Variants in SUPT3H observed in about 807,000 individuals in gnomAD.
The protein encoded by SUPT3H is transcription initiation protein SPT3 homolog.
SUPT3H carries 44 observed loss-of-function variants against 44.3 expected under a neutral mutation model. The observed-to-expected ratio is 0.99, with a 90% CI of 0.78 to 1.28. The LOEUF is 1.28. SUPT3H is among the 50% of genes most tolerant of loss of function. The pLI is 0.00. For missense variants in SUPT3H, 380 were observed against 387.1 expected, an observed-to-expected ratio of 0.98 and a Z score of 0.15; for synonymous variants, 124 against 125.6, an observed-to-expected ratio of 0.99 and a Z score of 0.09.
intron 2 of SUPT3H, among the ~76,000 whole-genome samples, chr6:45,267,626 T>A: frequency 6.6e-6 from 1 of 152,324 alleles, no homozygotes; most frequent in South Asian, 2.1e-4. Context: ...CACACTACGA[T>A]AGATTACAAT....
rs62436412 is a variant in SUPT3H at position 44,981,750 on chromosome 6, C to T, written c.505-19922G>A. Among the ~76,000 whole-genome samples the T allele has an allele frequency of 8.7e-3, 1,316 of 151,698 alleles. 9 individuals carry two copies. The highest frequency in any genetic ancestry group is 8.7e-3 in the Non-Finnish European group (591 of 67,956). ...ATAGCTCTGAGATTCTGTGGTTCTACGTGTATTCTCTTATCTCAGGGAACT... is the reference window on the plus strand; with the variant it reads ...ATAGCTCTGAGATTCTGTGGTTCTATGTGTATTCTCTTATCTCAGGGAACT... On this transcript the variant is annotated intron_variant, in intron 6 of 10. Coordinates refer to ENST00000371459, the MANE Select transcript of SUPT3H (RefSeq NM_003599.4).
intron 2 of SUPT3H, chr6:45,328,587 A>G: frequency 6.3e-7 from 1 of 1,583,578 alleles, no homozygotes; most frequent in South Asian, 1.2e-5. Flanking sequence ...ACAGAAAAAA[A>G]TAAATATAAA....
chr6:44,854,994 C>T (rs1335751403), intron 10 of SUPT3H, among the ~76,000 whole-genome samples: 1 of 152,138 alleles, frequency 6.6e-6, no homozygotes, highest in Non-Finnish European at 1.5e-5. Context: ...TTGATGTTTT[C>T]ACCTTAGAAT....
At chr6:44,945,927 A>G (rs1773268433) in intron 9 of SUPT3H, among the ~76,000 whole-genome samples, 1 of 152,184 alleles carries the variant, frequency 6.6e-6, no homozygotes, top group Non-Finnish European at 1.5e-5. Context: ...AGGAGAAATC[A>G]ATGCCTGGCT....
At chr6:45,099,981 T>A (rs1372211355) in intron 3 of SUPT3H, among the ~76,000 whole-genome samples, 2 of 152,010 alleles carry the variant, frequency 1.3e-5, no homozygotes, top group Admixed American at 1.3e-4. Context: ...ACAAGAATAT[T>A]CCCGAGAATG....
intron 6 of SUPT3H, among the ~76,000 whole-genome samples, chr6:44,972,010 G>A (rs1434365629): frequency 3.3e-5 from 5 of 151,644 alleles, no homozygotes; most frequent in East Asian, 2.0e-4. Flanking sequence ...TCCTGACCTT[G>A]TGATCTGTCC....
intron 6 of SUPT3H, among the ~76,000 whole-genome samples, chr6:44,970,817 C>T (rs1232099314): frequency 2.0e-5 from 3 of 152,152 alleles, no homozygotes; most frequent in East Asian, 3.8e-4. Flanking sequence ...GCCATTAATT[C>T]ATAAAATTTA....
intron 1 of SUPT3H, among the ~76,000 whole-genome samples, chr6:45,369,353 C>T (rs1313208096): frequency 6.6e-6 from 1 of 152,110 alleles, no homozygotes; most frequent in Non-Finnish European, 1.5e-5. Flanking sequence ...AAGAAACCTT[C>T]CCAGATATGT....
At chr6:44,938,346 T>C (rs894087440) in intron 9 of SUPT3H, among the ~76,000 whole-genome samples, 2 of 152,166 alleles carry the variant, frequency 1.3e-5, no homozygotes, top group African/African-American at 4.8e-5. Context: ...TTCCCCAGTG[T>C]ATGCTCTTGT....
chr6:45,265,721 A>C (rs1295300631), intron 2 of SUPT3H, among the ~76,000 whole-genome samples: 1 of 152,102 alleles, frequency 6.6e-6, no homozygotes, highest in Non-Finnish European at 1.5e-5. Flanking sequence ...AAAAAATATC[A>C]CGTAAAATTA....
intron 1 of SUPT3H, among the ~76,000 whole-genome samples, chr6:45,366,082 C>T (rs968375052): frequency 3.9e-5 from 6 of 152,238 alleles, no homozygotes; most frequent in African/African-American, 1.4e-4. Flanking sequence ...AAACCCTCAT[C>T]TATTACACTA....
At chr6:45,324,978 T>C (rs560607199) in intron 2 of SUPT3H, among the ~76,000 whole-genome samples, 85 of 151,650 alleles carry the variant, frequency 5.6e-4, no homozygotes, top group Non-Finnish European at 9.0e-4. Flanking sequence ...CTAACAGAAG[T>C]AGTCAATATA....
intron 2 of SUPT3H, among the ~76,000 whole-genome samples, chr6:45,143,286 A>G (rs1805538380): frequency 6.6e-6 from 1 of 152,160 alleles, no homozygotes; most frequent in Non-Finnish European, 1.5e-5. Flanking sequence ...GTTCTGCAAG[A>G]GAGACCATAT....
chr6:44,824,301 T>C (rs1243361359), downstream of SUPT3H, among the ~76,000 whole-genome samples: 2 of 152,186 alleles, frequency 1.3e-5, no homozygotes, highest in Admixed American at 6.5e-5. Context: ...GGGTGACAAG[T>C]GGCCAATGCA....
intron 3 of SUPT3H, among the ~76,000 whole-genome samples, chr6:45,023,806 G>A (rs962512929): frequency 2.0e-5 from 3 of 152,090 alleles, no homozygotes; most frequent in African/African-American, 7.2e-5. Flanking sequence ...CTTGGGTAGT[G>A]GGCTTAATTC....
rs1768096283 is a variant in SUPT3H at position 44,828,796 on chromosome 6, A to G, written c.*1020T>C. On this transcript the variant is annotated 3_prime_UTR_variant, in exon 11 of 11. Coordinates refer to ENST00000371459, the MANE Select transcript of SUPT3H (RefSeq NM_003599.4). ...AAGAGTGTTTCAAGTATGTGTAAAAACCATAAAAGTAAAATTATACAAAAC... is the reference window on the plus strand; with the variant it reads ...AAGAGTGTTTCAAGTATGTGTAAAAGCCATAAAAGTAAAATTATACAAAAC... 3 of 152,462 alleles carry G rather than the reference A, an allele frequency of 2.0e-5. No homozygotes were observed. Among genetic ancestry groups the G allele is most frequent in the Non-Finnish European group, 2.9e-5 (2 of 67,968 alleles). The allele number at this position is 152,462 out of a possible 1,614,324, so 9.4% of individuals were successfully genotyped here.
chr6:45,149,306 G>A (rs1259798545), intron 2 of SUPT3H, among the ~76,000 whole-genome samples: 2 of 152,056 alleles, frequency 1.3e-5, no homozygotes, highest in African/African-American at 4.8e-5. Context: ...ACCTACTACA[G>A]TTGAAAGGAA....
intron 3 of SUPT3H, among the ~76,000 whole-genome samples, chr6:45,069,187 G>C (rs1041604042): frequency 2.6e-5 from 4 of 152,066 alleles, no homozygotes; most frequent in Admixed American, 2.6e-4. Context: ...TATAAAGGTA[G>C]TAAAAGAAGA....
intron 1 of SUPT3H, chr6:45,371,852 A>G: frequency 1.0e-6 from 1 of 983,342 alleles, no homozygotes; most frequent in South Asian, 4.7e-5. Context: ...CTACAGTTTG[A>G]AAATCACTAA....
Sources: gnomAD v4.1 joint callset for allele counts (sites outside exome capture counted in the v4.1 genomes callset) on GRCh38, gnomAD v4.1.1 for gene constraint, MANE v1.5 for transcripts, NCBI Gene and HGNC (gene_info 2026-07-23, HGNC 2026-07-21) for gene names.